The following COL1A2 variants were observed in gnomAD, a reference collection of about 807,000 sequenced individuals.
COL1A2 encodes the protein collagen type I alpha 2 chain.
Under a neutral mutation model 174.3 loss-of-function variants are expected in COL1A2, and 49 were observed. The ratio of observed to expected loss-of-function variants is 0.28; its 90% CI spans 0.22 to 0.36. COL1A2 has a LOEUF of 0.36. COL1A2 is among the 10% of genes least tolerant of loss of function. COL1A2 has a pLI of 1.00. For missense variants in COL1A2, 1,438 were observed against 1,822.7 expected (o/e 0.79, Z 3.84); for synonymous variants, 655 against 606.6 (o/e 1.08, Z -1.17).
chr7:94,416,139 T>C (rs1346360673), intron 30 of COL1A2, among the ~76,000 whole-genome samples: 2 of 152,148 alleles, frequency 1.3e-5, no homozygotes, highest in East Asian at 3.8e-4. Flanking sequence ...AGAAGGGGAA[T>C]GAATTGCAAA....
chr7:94,424,883 G>T, intron 41 of COL1A2: 1 of 561,374 alleles, frequency 1.8e-6, no homozygotes, highest in Non-Finnish European at 3.2e-6. Flanking sequence ...TGAATGACAC[G>T]AGGCTCACTT....
At chr7:94,401,544 A>ATTT (rs199593359) in intron 5 of COL1A2, 23 bp from the exon 6 acceptor site, 11 of 951,048 alleles carry the variant, frequency 1.2e-5, no homozygotes, top group African/African-American at 7.0e-5. Flanking sequence ...TATATATATA[A>ATTT]TTTTTTTTTT....
chr7:94,424,579 C>A, intron 41 of COL1A2, 136 bp downstream of exon 41: 1 of 741,564 alleles, frequency 1.3e-6, no homozygotes, highest in Non-Finnish European at 2.3e-6. Context: ...ATACAGATCA[C>A]ATGTCACTTA....
chr7:94,426,503 T>C lies in COL1A2; in HGVS notation c.3078T>C (p.Asn1026=). ...GTCTTCCTGGCTTAAAGGGACACAA[T>C]GGATTGCAAGGTCTGCCTGGTATCG... ...PRGLPGLKGH[N]GLQGLPGIAG... The change falls in exon 46 of 52, where the codon AAT becomes AAC. Residue 1026 remains asparagine (N), a synonymous_variant. Coordinates refer to ENST00000297268, the MANE Select transcript of COL1A2 (RefSeq NM_000089.4). 1 of 1,605,824 alleles carries C rather than the reference T, an allele frequency of 6.2e-7. No homozygotes were observed. Among genetic ancestry groups the C allele is most frequent in the South Asian group, 1.1e-5 (1 of 88,606 alleles).
At chr7:94,420,520 G>A (rs774693198) in intron 36 of COL1A2, 21 bp from the exon 37 acceptor site, 5 of 1,613,920 alleles carry the variant, frequency 3.1e-6, no homozygotes, top group African/African-American at 2.7e-5. Context: ...TACCAGAGCT[G>A]TAACTGTTTA....
intron 30 of COL1A2, 103 bp from the exon 31 acceptor site, chr7:94,416,302 C>A: frequency 9.9e-7 from 1 of 1,010,532 alleles, no homozygotes; most frequent in Non-Finnish European, 1.5e-6. Context: ...CTAATAAATG[C>A]AAACCAGGGC....
At chr7:94,421,663 A>G (rs899002139) in intron 38 of COL1A2, among the ~76,000 whole-genome samples, 1 of 152,184 alleles carries the variant, frequency 6.6e-6, no homozygotes, top group Non-Finnish European at 1.5e-5. Flanking sequence ...GACCATCCAA[A>G]CCTTAACGCA....
In COL1A2 at chr7:94,421,262, T is replaced by G. The variant is rs1177124742; in HGVS notation, c.2349+200T>G. The G allele has an allele frequency of 7.8e-6, 5 of 638,758 alleles. No homozygotes were observed. The African/African-American group carries it at 9.2e-5, about 12-fold the overall frequency. 39.6% of individuals were successfully genotyped at this position (638,758 alleles called of 1,614,324 possible). On this transcript the variant is annotated intron_variant, in intron 38 of 51. Transcript: ENST00000297268. Reference sequence around the variant, plus strand: ...TCAGTGTATGTTGCTATCAGCTCACTTGAGGTAATAACCAAGGTGGGCCCT... The same window carrying G: ...TCAGTGTATGTTGCTATCAGCTCACGTGAGGTAATAACCAAGGTGGGCCCT...
chr7:94,426,626 C>A, intron 46 of COL1A2, 96 bp downstream of exon 46: 1 of 931,758 alleles, frequency 1.1e-6, no homozygotes, highest in African/African-American at 1.6e-5. Context: ...TCCAGTATAG[C>A]CTATATAATA....
chr7:94,397,785 T>TA (rs1204495422), intron 2 of COL1A2, 27 bp downstream of exon 2: 5 of 1,266,930 alleles, frequency 3.9e-6, no homozygotes, highest in African/African-American at 3.0e-5. Flanking sequence ...TTAGAATTTT[T>TA]AAAAATACTT....
chr7:94,405,294 C>T (rs756121240), intron 10 of COL1A2, 42 bp downstream of exon 10: 2 of 1,569,970 alleles, frequency 1.3e-6, no homozygotes, highest in South Asian at 1.1e-5. Flanking sequence ...ACATCATAGG[C>T]CTATAAGATA....
At chr7:94,416,630 C>G in intron 31 of COL1A2, 127 bp downstream of exon 31, 1 of 744,784 alleles carries the variant, frequency 1.3e-6, no homozygotes, top group Non-Finnish European at 2.3e-6. Flanking sequence ...TGACTTCCCT[C>G]TCAGTAAACA....
Position 94,401,879 on chromosome 7 carries a change from A to G in COL1A2, c.279+259A>G, listed in dbSNP as rs548748686. ...TGATCCTCATTAAGATAGATCATAT[A>G]CTTATGTCCAAGAAATAATCTTTGG... On this transcript the variant is annotated intron_variant, in intron 6 of 51. Coordinates refer to ENST00000297268, the MANE Select transcript of COL1A2 (RefSeq NM_000089.4). 6.6e-5 allele frequency among the ~76,000 whole-genome samples: 10 copies of G among 152,310 alleles called. No individual in the cohort carries two copies. The South Asian group carries it at 2.1e-3, about 32-fold the overall frequency.
chr7:94,404,719 T>C lies in COL1A2; in HGVS notation c.351T>C (p.Ala117=). 6.2e-7 allele frequency: 1 copy of C among 1,614,198 alleles called. No homozygotes were observed. Among genetic ancestry groups the C allele is most frequent in the Non-Finnish European group, 8.5e-7 (1 of 1,180,024 alleles). Residue 117 remains alanine, a synonymous_variant, in exon 8 of 52, where the codon GCT becomes GCC. Transcript: ENST00000297268. ...GCCCTCAAGGTTTCCAAGGACCTGC[T>C]GGTGAGCCTGGTGAACCTGGTCAAA... is the stretch of plus-strand genomic sequence containing the variant. ...APGPQGFQGP[A]GEPGEPGQTG... is the part of the protein sequence containing the mutation.
At chr7:94,421,198 C>G in intron 38 of COL1A2, 136 bp downstream of exon 38, 1 of 838,164 alleles carries the variant, frequency 1.2e-6, no homozygotes, top group Non-Finnish European at 2.0e-6. Context: ...CTATTCAGAG[C>G]AATTCCGATA....
At chr7:94,398,490 T>C (rs1791625316) in intron 3 of COL1A2, 94 bp downstream of exon 3, 3 of 517,532 alleles carry the variant, frequency 5.8e-6, no homozygotes, top group Non-Finnish European at 6.3e-6. Context: ...GAAAATACTT[T>C]ATCAAAATTT....
chr7:94,410,889 G>T lies in COL1A2; in HGVS notation c.1198G>T (p.Gly400Cys). Residue 400 changes from glycine (G) to cysteine (C), a missense_variant and splice_region_variant, in exon 22 of 52, where the codon GGT becomes TGT. Coordinates refer to ENST00000297268, the MANE Select transcript of COL1A2 (RefSeq NM_000089.4). ...AGPPGPPGLRGSPGSRGLPGA... is the reference protein window; with the variant it reads ...AGPPGPPGLRCSPGSRGLPGA... Reference sequence around the variant, plus strand: ...CTCTATTTCATGTACTTTCTTGCAGGGTAGTCCTGGTTCTCGTGGTCTTCC... The same window carrying T: ...CTCTATTTCATGTACTTTCTTGCAGTGTAGTCCTGGTTCTCGTGGTCTTCC... 1 of 1,613,902 alleles carries T rather than the reference G, an allele frequency of 6.2e-7. No homozygotes were observed. The highest frequency in any genetic ancestry group is 1.1e-5 in the South Asian group (1 of 91,056).
At chr7:94,418,667 T>C in intron 33 of COL1A2, 115 bp downstream of exon 33, 2 of 823,446 alleles carry the variant, frequency 2.4e-6, no homozygotes, top group Non-Finnish European at 3.9e-6. Context: ...TTTAATAAAA[T>C]AATATTCCTT....
chr7:94,403,744 A>G (rs750794075), intron 6 of COL1A2, among the ~76,000 whole-genome samples: 12 of 152,216 alleles, frequency 7.9e-5, no homozygotes, highest in Admixed American at 3.9e-4. Context: ...AGACTGGTAC[A>G]TGAAATATTT....
Sources: gnomAD v4.1 joint callset for allele counts (sites outside exome capture counted in the v4.1 genomes callset) on GRCh38, gnomAD v4.1.1 for gene constraint, MANE v1.5 for transcripts, NCBI Gene and HGNC (gene_info 2026-07-23, HGNC 2026-07-21) for gene names.